Variants in RPL26L1 observed in about 807,000 individuals in gnomAD.
RPL26L1 encodes ribosomal protein L26 like 1.
RPL26L1 carries 8 observed loss-of-function variants against 15.2 expected under a neutral mutation model. The observed-to-expected ratio is 0.53, with a 90% CI of 0.31 to 0.95. RPL26L1 has a LOEUF of 0.95. Ranked by LOEUF, RPL26L1 falls within the 40% of genes least tolerant of loss-of-function variation. RPL26L1 has a pLI of 0.05. For missense variants in RPL26L1, 146 were observed against 190.9 expected, an observed-to-expected ratio of 0.76 and a Z score of 1.39; for synonymous variants, 51 against 65.9, an observed-to-expected ratio of 0.77 and a Z score of 1.09.
chr5:172,958,804 G>A (rs1259820152), upstream of RPL26L1: 2 of 201,600 alleles, frequency 9.9e-6, no homozygotes, highest in Middle Eastern at 2.3e-3. Flanking sequence ...GGCCACAGGT[G>A]GGCGCGGAGC....
At chr5:172,967,442 G>A (rs1451469961) in intron 2 of RPL26L1, among the ~76,000 whole-genome samples, 1 of 151,768 alleles carries the variant, frequency 6.6e-6, no homozygotes, top group African/African-American at 2.4e-5. Flanking sequence ...TCCAGCCTGG[G>A]GGAACAGAGC....
chr5:172,964,185 G>A (rs1755353333), intron 2 of RPL26L1, among the ~76,000 whole-genome samples: 1 of 151,696 alleles, frequency 6.6e-6, no homozygotes, highest in African/African-American at 2.4e-5. Flanking sequence ...TTGCTGCCCA[G>A]GCTGGTCTCA....
At chr5:172,956,660 G>A (rs10065866), upstream of RPL26L1, among the ~76,000 whole-genome samples, 2,867 of 152,194 alleles carry the variant, frequency 0.019, 100 homozygotes, top group African/African-American at 0.064. Context: ...ACACCAGGCC[G>A]GGTGTGGTGG....
intron 1 of RPL26L1, 136 bp from the exon 2 acceptor site, chr5:172,959,729 C>T: frequency 8.7e-7 from 1 of 1,155,456 alleles, no homozygotes; most frequent in South Asian, 1.4e-5. Context: ...ATCTCTCTGT[C>T]CTCCCTCAGT....
intron 2 of RPL26L1, among the ~76,000 whole-genome samples, chr5:172,966,351 G>A (rs1434575488): frequency 3.7e-5 from 4 of 107,354 alleles, no homozygotes; most frequent in Non-Finnish European, 5.6e-5. Context: ...TTGTAGAGAC[G>A]GGGTCTTGCT....
chr5:172,959,625 A>T, intron 1 of RPL26L1, 157 bp downstream of exon 1: 1 of 1,255,404 alleles, frequency 8.0e-7, no homozygotes, highest in African/African-American at 1.5e-5. Context: ...CCTCAGCCTC[A>T]AGGTCCCAGT....
chr5:172,961,660 C>G (rs1319596160), intron 2 of RPL26L1, among the ~76,000 whole-genome samples: 1 of 152,184 alleles, frequency 6.6e-6, no homozygotes, highest in Non-Finnish European at 1.5e-5. Flanking sequence ...ACTAATAATC[C>G]CTTCGTGACT....
At chr5:172,959,622 C>T in intron 1 of RPL26L1, 154 bp downstream of exon 1, 1 of 1,259,178 alleles carries the variant, frequency 7.9e-7, no homozygotes, top group East Asian at 3.8e-5. Flanking sequence ...CTTCCTCAGC[C>T]TCAAGGTCCC....
In RPL26L1 at chr5:172,968,465, C is replaced by T. The variant is rs150507306; in HGVS notation, c.175C>T (p.Arg59Ter). 32 of 1,613,580 alleles carry T rather than the reference C, an allele frequency of 2.0e-5. No individual in the cohort carries two copies. Among genetic ancestry groups the T allele is most frequent in the Admixed American group, 5.0e-5 (3 of 59,976 alleles). Residue 59 changes from arginine to a stop codon, truncating the protein, a stop_gained, in exon 3 of 4, where the codon CGA (arginine) becomes TGA (stop). Coordinates refer to ENST00000265100, the MANE Select transcript of RPL26L1 (RefSeq NM_016093.4). LOFTEE classifies it high-confidence loss of function. ...CTTTTGTATTTTCTCTTAGGTAGTT[C>T]GAGGACACTACAAAGGTCAGCAAAT... ...IRKDDEVQVV[R>*]GHYKGQQIGK...
chr5:172,957,142 A>G (rs1754999672), upstream of RPL26L1: 1 of 455,178 alleles, frequency 2.2e-6, no homozygotes, highest in Non-Finnish European at 4.4e-6. Flanking sequence ...CTCGAGAAAT[A>G]AAAAGACTCA....
upstream of RPL26L1, chr5:172,957,964 A>G (rs1232245642): frequency 4.9e-6 from 1 of 204,130 alleles, no homozygotes; most frequent in Admixed American, 5.3e-5. Flanking sequence ...AGGGCCCGGA[A>G]TAAAACCTAG....
chr5:172,969,620 C>G lies in RPL26L1; in HGVS notation c.*79C>G, dbSNP rs1755613055. ...GTTTCTTTCGAACTTTTCGGAATGT[C>G]TGGAACATTTCATTTCCTGTTTTGT... is the stretch of plus-strand genomic sequence containing the variant. On this transcript the variant is annotated 3_prime_UTR_variant, in exon 4 of 4. Coordinates refer to ENST00000265100, the MANE Select transcript of RPL26L1 (RefSeq NM_016093.4). 3 of 1,388,584 alleles carry G rather than the reference C, an allele frequency of 2.2e-6. No homozygotes were observed. The South Asian group carries it at 4.2e-5, about 20-fold the overall frequency. The allele number at this position is 1,388,584 out of a possible 1,614,324, so 86.0% of individuals were successfully genotyped here.
intron 2 of RPL26L1, 25 bp from the exon 3 acceptor site, chr5:172,968,434 G>T: frequency 1.2e-6 from 2 of 1,610,882 alleles, no homozygotes; most frequent in East Asian, 4.5e-5. Context: ...AATGGAGGGG[G>T]ATTCTCTTTT....
intron 2 of RPL26L1, among the ~76,000 whole-genome samples, chr5:172,966,699 G>C (rs1229349642): frequency 6.6e-6 from 1 of 152,104 alleles, no homozygotes. Context: ...GTCTGTGGTA[G>C]ATTTTTCACT....
In RPL26L1 at chr5:172,959,911, A is replaced by G; in HGVS notation, c.38A>G (p.Lys13Arg). ...FNPFVTSDRS[K>R]NRKRHFNAPS... ...CCCTTCGTTACCTCGGACCGCAGTA[A>G]AAACCGCAAACGTCACTTCAATGCC... The change falls in exon 2 of 4, where the codon AAA becomes AGA. Residue 13 changes from lysine (K) to arginine (R), a missense_variant. Coordinates refer to ENST00000265100, the MANE Select transcript of RPL26L1 (RefSeq NM_016093.4). The G allele has an allele frequency of 1.2e-6, 2 of 1,614,168 alleles. No homozygotes were observed. Among genetic ancestry groups the G allele is most frequent in the Non-Finnish European group, 1.7e-6 (2 of 1,180,016 alleles).
At chr5:172,959,655 C>G in intron 1 of RPL26L1, 187 bp downstream of exon 1, 1 of 1,178,088 alleles carries the variant, frequency 8.5e-7, no homozygotes, top group Non-Finnish European at 1.1e-6. Flanking sequence ...TCCCCCACGA[C>G]CCCTTTAGAC....
chr5:172,964,089 G>A (rs1312165069), intron 2 of RPL26L1, among the ~76,000 whole-genome samples: 1 of 143,746 alleles, frequency 7.0e-6, no homozygotes, highest in African/African-American at 2.5e-5. Context: ...GGGCAAAGAG[G>A]GAGAAGGAGC....
intron 2 of RPL26L1, among the ~76,000 whole-genome samples, chr5:172,963,373 CAAA>C (rs56687905): frequency 0.012 from 1,736 of 140,196 alleles, 27 homozygotes; most frequent in South Asian, 0.058. Flanking sequence ...AACTCGGTCT[CAAA>C]AAAAAAAAAA....
rs184270639 is a variant in RPL26L1 at position 172,962,556 on chromosome 5, G to A, written c.168+2515G>A. On this transcript the variant is annotated intron_variant, in intron 2 of 3. Transcript: ENST00000265100. ...AAAACGGCCAGGCACAGTGGCTCAC[G>A]CCTGTAATCCCAGCACTTTGGGAGG... is the stretch of plus-strand genomic sequence containing the variant. Among the ~76,000 whole-genome samples, 207 of 150,564 alleles carry A rather than the reference G, an allele frequency of 1.4e-3. 1 individual carries two copies. The highest frequency in any genetic ancestry group is 4.7e-3 in the African/African-American group (193 of 40,904).
Sources: gnomAD v4.1 joint callset for allele counts (sites outside exome capture counted in the v4.1 genomes callset) on GRCh38, gnomAD v4.1.1 for gene constraint, MANE v1.5 for transcripts, NCBI Gene and HGNC (gene_info 2026-07-23, HGNC 2026-07-21) for gene names.